Variants in LOC400499 observed in about 807,000 individuals in gnomAD.
At chr16:11,375,910 G>C in the LOC400499 span, among the ~76,000 whole-genome samples, 1 of 151,982 alleles carries the variant, frequency 6.6e-6, no homozygotes, top group Non-Finnish European at 1.5e-5. Flanking sequence ...TGTATTTTTA[G>C]TAGAGACGGG....
the LOC400499 span, chr16:11,450,516 G>A: frequency 1.8e-5 from 23 of 1,270,040 alleles, no homozygotes; most frequent in Non-Finnish European, 2.5e-5. Flanking sequence ...GCTGCTATCT[G>A]CCCACAGACC....
At chr16:11,382,267 T>G in the LOC400499 span, among the ~76,000 whole-genome samples, 3 of 152,234 alleles carry the variant, frequency 2.0e-5, no homozygotes, top group Non-Finnish European at 4.4e-5. Flanking sequence ...ATCCTCTTAT[T>G]TCATCCTCCC....
the LOC400499 span, among the ~76,000 whole-genome samples, chr16:11,478,191 C>T: frequency 3.8e-3 from 573 of 149,112 alleles, 2 homozygotes; most frequent in Non-Finnish European, 5.2e-3. Context: ...CCATGCCTGG[C>T]TAATTTTTGT....
At chr16:11,398,408 C>T in the LOC400499 span, 7 of 1,232,170 alleles carry the variant, frequency 5.7e-6, no homozygotes, top group Admixed American at 8.4e-5. Context: ...CATAGTCAGT[C>T]TGTACTTCTC....
chr16:11,390,335 C>T, the LOC400499 span: 1 of 1,233,806 alleles, frequency 8.1e-7, no homozygotes. Flanking sequence ...CTTGGACCCC[C>T]TTTGCCTGGC....
the LOC400499 span, among the ~76,000 whole-genome samples, chr16:11,503,769 C>G: frequency 6.6e-6 from 1 of 152,242 alleles, no homozygotes; most frequent in Non-Finnish European, 1.5e-5. Flanking sequence ...AGTGGCAACC[C>G]TCAGCTCTGT....
At chr16:11,487,834 C>T in the LOC400499 span, among the ~76,000 whole-genome samples, 10 of 152,178 alleles carry the variant, frequency 6.6e-5, no homozygotes, top group East Asian at 5.8e-4. Context: ...ACAGTGTTTC[C>T]GCCAGGCACA....
At chr16:11,410,840 G>A in the LOC400499 span, among the ~76,000 whole-genome samples, 2 of 152,244 alleles carry the variant, frequency 1.3e-5, no homozygotes, top group Non-Finnish European at 1.5e-5. Context: ...AGACTACTGG[G>A]CCCTCCTGTG....
the LOC400499 span, among the ~76,000 whole-genome samples, chr16:11,503,423 G>C: frequency 2.0e-5 from 3 of 152,138 alleles, no homozygotes; most frequent in African/African-American, 7.2e-5. Context: ...GCATTGGCCT[G>C]AACCCAAAGC....
the LOC400499 span, chr16:11,396,454 C>G: frequency 1.6e-6 from 2 of 1,229,484 alleles, no homozygotes; most frequent in Non-Finnish European, 2.0e-6. Flanking sequence ...AGGGAGGAAC[C>G]GCAGGGATGC....
At chr16:11,509,475 A>G in the LOC400499 span, among the ~76,000 whole-genome samples, 1 of 151,866 alleles carries the variant, frequency 6.6e-6, no homozygotes, top group Non-Finnish European at 1.5e-5. Context: ...CCTTGTAAAG[A>G]TCTCCAAGCC....
At chr16:11,484,870 C>T in the LOC400499 span, 6 of 398,944 alleles carry the variant, frequency 1.5e-5, no homozygotes, top group Non-Finnish European at 4.4e-6. Flanking sequence ...GTGTGGCCAC[C>T]TCCCTTACCT....
At chr16:11,415,267 G>A in the LOC400499 span, among the ~76,000 whole-genome samples, 3 of 152,234 alleles carry the variant, frequency 2.0e-5, no homozygotes, top group African/African-American at 4.8e-5. Context: ...GAAACTCATC[G>A]GGTCCAGGAG....
chr16:11,516,438 T>C, the LOC400499 span: 1 of 397,236 alleles, frequency 2.5e-6, no homozygotes, highest in Non-Finnish European at 4.4e-6. Flanking sequence ...GAACCCCACA[T>C]CCCCCCACTA....
chr16:11,480,472 C>T, the LOC400499 span, among the ~76,000 whole-genome samples: 10 of 152,144 alleles, frequency 6.6e-5, no homozygotes, highest in Non-Finnish European at 1.5e-4. Flanking sequence ...ATGTACATGG[C>T]AATGACATTT....
At chr16:11,374,667 G>A in the LOC400499 span, among the ~76,000 whole-genome samples, 77 of 151,376 alleles carry the variant, frequency 5.1e-4, no homozygotes, top group Non-Finnish European at 9.8e-4. Flanking sequence ...AATTTCCTTC[G>A]TTTTTAAGGC....
At chr16:11,453,884 C>G in the LOC400499 span, among the ~76,000 whole-genome samples, 2 of 152,084 alleles carry the variant, frequency 1.3e-5, no homozygotes, top group South Asian at 4.1e-4. Context: ...TTTCTGAGGA[C>G]CAACATCTAA....
At chr16:11,518,567 A>G in the LOC400499 span, among the ~76,000 whole-genome samples, 8 of 152,060 alleles carry the variant, frequency 5.3e-5, no homozygotes, top group Non-Finnish European at 8.8e-5. Flanking sequence ...TGAAATCTGG[A>G]CATGCTGGGG....
the LOC400499 span, among the ~76,000 whole-genome samples, chr16:11,473,354 AAG>A: frequency 6.7e-6 from 1 of 150,298 alleles, no homozygotes; most frequent in Admixed American, 6.7e-5. Context: ...AAAAAAAAAA[AAG>A]AAAAAAAAAT....
Sources: allele counts gnomAD v4.1 joint callset (sites outside exome capture counted in the v4.1 genomes callset), GRCh38; gene constraint gnomAD v4.1.1; transcripts MANE v1.5.